Variants in CENPE observed in about 807,000 individuals in gnomAD.
The protein encoded by CENPE is centromere protein E, also known as centromere-associated protein E.
CENPE carries 145 observed loss-of-function variants against 336.1 expected under a neutral mutation model. That is an observed-to-expected ratio of 0.43 (90% CI 0.38 to 0.50). CENPE has a LOEUF of 0.50. Ranked by LOEUF, CENPE falls within the 20% of genes least tolerant of loss-of-function variation. The pLI is 0.00. For synonymous variants in CENPE, 1,013 were observed against 984.8 expected, an observed-to-expected ratio of 1.03 and a Z score of -0.54; for missense variants, 2,719 against 3,023.3, an observed-to-expected ratio of 0.90 and a Z score of 2.36.
intron 42 of CENPE, among the ~76,000 whole-genome samples, chr4:103,125,247 T>G (rs1443520296): frequency 6.6e-6 from 1 of 152,184 alleles, no homozygotes; most frequent in South Asian, 2.1e-4. Flanking sequence ...TCCAAACATA[T>G]GAACTATAAA....
intron 43 of CENPE, among the ~76,000 whole-genome samples, chr4:103,121,469 G>A (rs1750612018): frequency 6.6e-6 from 1 of 151,776 alleles, no homozygotes; most frequent in Admixed American, 6.6e-5. Flanking sequence ...AATGAGATAG[G>A]AATCCAGCCT....
chr4:103,158,255 T>A (rs756680455), intron 24 of CENPE, 45 bp downstream of exon 24: 1 of 1,431,704 alleles, frequency 7.0e-7, no homozygotes, highest in Admixed American at 2.1e-5. Flanking sequence ...GGTTAAAGAG[T>A]ATATATACAA....
In CENPE at chr4:103,147,389, C is replaced by T. The variant is rs1294846499; in HGVS notation, c.4101G>A (p.Gln1367=). 4.3e-6 allele frequency: 7 copies of T among 1,609,420 alleles called. No homozygotes were observed. The highest frequency in any genetic ancestry group is 1.1e-5 in the South Asian group (1 of 89,894). ...IKEALEVKHD[Q]LKEHIRETLA... ...AAGTTTCTCTAATATGTTCTTTCAG[C>T]TGGTCATGTTTAACTTCAAGGGCTT... is the stretch of plus-strand genomic sequence containing the variant. Residue 1367 remains glutamine (Q), a synonymous_variant, in exon 29 of 49, where the codon CAG becomes CAA. Coordinates refer to ENST00000265148, the MANE Select transcript of CENPE (RefSeq NM_001813.3).
intron 12 of CENPE, among the ~76,000 whole-genome samples, chr4:103,180,889 G>A (rs1470133426): frequency 1.3e-5 from 2 of 152,084 alleles, no homozygotes; most frequent in African/African-American, 4.8e-5. Flanking sequence ...TACAAAATAT[G>A]GGACCATGAT....
chr4:103,176,138 G>A, intron 14 of CENPE, 90 bp from the exon 15 acceptor site: 1 of 687,884 alleles, frequency 1.5e-6, no homozygotes, highest in South Asian at 2.0e-5. Context: ...ATTCTTATCA[G>A]AGATACTAAG....
rs774760300 is a variant in CENPE at position 103,122,834 on chromosome 4, C to T, written c.7143+37G>A. 5 of 1,481,408 alleles carry T rather than the reference C, an allele frequency of 3.4e-6. No homozygotes were observed. The Admixed American group carries it at 8.5e-5, about 25-fold the overall frequency. The allele number at this position is 1,481,408 out of a possible 1,614,324, so 91.8% of individuals were successfully genotyped here. ...TTTTGCTCTAAACTCTGTGATGAAG[C>T]TGCAAACTGAAGAACATTTTATAAG... On this transcript the variant is annotated intron_variant, in intron 43 of 48. Coordinates refer to ENST00000265148, the MANE Select transcript of CENPE (RefSeq NM_001813.3).
chr4:103,160,470 G>A (rs910072323), intron 21 of CENPE, among the ~76,000 whole-genome samples, 155 bp downstream of exon 21: 1 of 151,756 alleles, frequency 6.6e-6, no homozygotes, highest in African/African-American at 2.4e-5. Context: ...ATTAGAAGAT[G>A]AACTATATTC....
intron 16 of CENPE, among the ~76,000 whole-genome samples, chr4:103,169,022 A>AATAG (rs1755163053): frequency 6.6e-6 from 1 of 152,206 alleles, no homozygotes; most frequent in African/African-American, 2.4e-5. Flanking sequence ...AAGAATTCAA[A>AATAG]ATAGCTATTT....
In CENPE at chr4:103,144,212, C is replaced by A. The variant is rs1046041355; in HGVS notation, c.5145+119G>T. ...TGGCCTCCCAAAGTGCTGGGATTACCGGCTCGAGCCACCGCGCCCGGCCTG... is the reference window on the plus strand; with the variant it reads ...TGGCCTCCCAAAGTGCTGGGATTACAGGCTCGAGCCACCGCGCCCGGCCTG... On this transcript the variant is annotated intron_variant, in intron 33 of 48. Transcript: ENST00000265148. The A allele has an allele frequency of 2.8e-4, 209 of 756,116 alleles. No homozygotes were observed. In the African/African-American group the frequency reaches 3.2e-3, roughly 12 times the overall value. 46.8% of individuals were successfully genotyped at this position (756,116 alleles called of 1,614,324 possible).
At chr4:103,185,968 T>C in intron 8 of CENPE, 107 bp from the exon 9 acceptor site, 1 of 655,202 alleles carries the variant, frequency 1.5e-6, no homozygotes, top group East Asian at 2.8e-5. Flanking sequence ...ATATTCGATC[T>C]GTATCCATGT....
intron 14 of CENPE, 44 bp downstream of exon 14, chr4:103,176,855 T>C (rs1377462976): frequency 4.2e-6 from 6 of 1,440,698 alleles, no homozygotes; most frequent in Non-Finnish European, 2.8e-6. Context: ...TTTATAAGGA[T>C]GCTTTTATAA....
chr4:103,120,255 G>T lies in CENPE; in HGVS notation c.7222C>A (p.Gln2408Lys), dbSNP rs140630684. 338 of 1,612,348 alleles carry T rather than the reference G, an allele frequency of 2.1e-4. 1 individual carries two copies. In the African/African-American group the frequency reaches 3.8e-3, roughly 18 times the overall value. ...TCATTAGTCACCTCAAGTTCTTTCTGCATCTTTATAATCTTGCTTTCCTTA... is the reference window on the plus strand; with the variant it reads ...TCATTAGTCACCTCAAGTTCTTTCTTCATCTTTATAATCTTGCTTTCCTTA... ...MHKESKIIKMQKELEVTNDII... is the reference protein window; with the variant it reads ...MHKESKIIKMKKELEVTNDII... Residue 2408 changes from glutamine (Q) to lysine (K), a missense_variant, in exon 44 of 49, where the codon CAG becomes AAG. By Grantham distance (53) the Gln-to-Lys change is moderately conservative (BLOSUM62 1). Coordinates refer to ENST00000265148, the MANE Select transcript of CENPE (RefSeq NM_001813.3).
chr4:103,150,358 G>A (rs1361290169), intron 26 of CENPE, among the ~76,000 whole-genome samples: 1 of 152,200 alleles, frequency 6.6e-6, no homozygotes, highest in African/African-American at 2.4e-5. Flanking sequence ...GAGGCAGGAA[G>A]ACTGCTTGAG....
intron 16 of CENPE, among the ~76,000 whole-genome samples, chr4:103,163,929 TTCAG>T (rs1754693108): frequency 6.6e-6 from 1 of 152,140 alleles, no homozygotes; most frequent in African/African-American, 2.4e-5. Context: ...GATTTTTGTT[TTCAG>T]TCAGTTAAGT....
chr4:103,165,523 C>A (rs575727331), intron 16 of CENPE, among the ~76,000 whole-genome samples: 1 of 152,190 alleles, frequency 6.6e-6, no homozygotes, highest in African/African-American at 2.4e-5. Flanking sequence ...GACTTTTATT[C>A]CCTTTTAGCT....
At chr4:103,170,493 A>G (rs1755312799) in intron 16 of CENPE, among the ~76,000 whole-genome samples, 1 of 152,212 alleles carries the variant, frequency 6.6e-6, no homozygotes, top group Non-Finnish European at 1.5e-5. Flanking sequence ...GCATAACTGT[A>G]AGACTTTTTC....
intron 16 of CENPE, among the ~76,000 whole-genome samples, chr4:103,165,706 T>C (rs1754847116): frequency 1.3e-5 from 2 of 152,030 alleles, no homozygotes; most frequent in South Asian, 4.1e-4. Context: ...GTAAAGGGCC[T>C]AGAGCAGTGG....
At chr4:103,174,708 T>C in intron 16 of CENPE, 28 bp downstream of exon 16, 1 of 1,427,626 alleles carries the variant, frequency 7.0e-7, no homozygotes, top group Non-Finnish European at 9.3e-7. Context: ...ATGCTTTTAG[T>C]TTAGTTTTAC....
chr4:103,173,019 C>T (rs532335294), intron 16 of CENPE, among the ~76,000 whole-genome samples: 1 of 152,006 alleles, frequency 6.6e-6, no homozygotes, highest in East Asian at 1.9e-4. Context: ...TCCTCACATT[C>T]GTATGGAACC....
Sources: allele counts gnomAD v4.1 joint callset (sites outside exome capture counted in the v4.1 genomes callset), GRCh38; gene constraint gnomAD v4.1.1; transcripts MANE v1.5; gene names NCBI Gene and HGNC (gene_info 2026-07-23, HGNC 2026-07-21).